Variants in CCDC169 observed in about 807,000 individuals in gnomAD.
CCDC169 encodes the protein coiled-coil domain containing 169.
A neutral mutation model predicts 36.0 loss-of-function variants in CCDC169; 30 were observed. That is an observed-to-expected ratio of 0.83 (90% CI 0.62 to 1.13). The LOEUF (loss-of-function observed/expected upper bound fraction) is 1.13. CCDC169 is among the 50% of genes most tolerant of loss of function. The pLI, the probability that CCDC169 is intolerant of heterozygous loss-of-function variation, is 0.00. For synonymous variants in CCDC169, 85 were observed against 81.5 expected (o/e 1.04, Z -0.23); for missense variants, 245 against 245.9 (o/e 1.00, Z 0.03).
At chr13:36,236,654 T>C (rs1274748755) in intron 7 of CCDC169, among the ~76,000 whole-genome samples, 6 of 152,058 alleles carry the variant, frequency 3.9e-5, no homozygotes, top group Non-Finnish European at 8.8e-5. Context: ...TTTCTAAAGA[T>C]ATCATCAAGA....
At chr13:36,284,320 C>T (rs1360135548) in intron 2 of CCDC169, among the ~76,000 whole-genome samples, 1 of 152,162 alleles carries the variant, frequency 6.6e-6, no homozygotes, top group Non-Finnish European at 1.5e-5. Context: ...CAATGCTTCA[C>T]ATACATTAAG....
rs376497092 is a variant in CCDC169 at position 36,266,156 on chromosome 13, A to G, written c.316-12013T>C. On this transcript the variant is annotated intron_variant, in intron 4 of 7. Transcript: ENST00000239859. ...AAATGAGTAAAGAATTATGCTTTCC[A>G]CTGGGCTGACTGTCTTCAGCCTCCT... Among the ~76,000 whole-genome samples the G allele has an allele frequency of 6.6e-5, 10 of 152,274 alleles. No individual in the cohort carries two copies. In the South Asian group the frequency reaches 1.0e-3, roughly 16 times the overall value.
At chr13:36,286,217 C>T (rs1878236162) in intron 2 of CCDC169, among the ~76,000 whole-genome samples, 1 of 152,108 alleles carries the variant, frequency 6.6e-6, no homozygotes, top group Admixed American at 6.5e-5. Flanking sequence ...TCTTAGGGAT[C>T]CTCTCTTTTC....
chr13:36,290,258 C>A (rs1878707522), intron 2 of CCDC169, among the ~76,000 whole-genome samples: 1 of 152,140 alleles, frequency 6.6e-6, no homozygotes, highest in Non-Finnish European at 1.5e-5. Context: ...AATTAAGATT[C>A]TCTTAATAAT....
chr13:36,291,850 G>A (rs897195938), intron 2 of CCDC169, among the ~76,000 whole-genome samples: 1 of 151,896 alleles, frequency 6.6e-6, no homozygotes, highest in Non-Finnish European at 1.5e-5. Context: ...ATTTACTGAG[G>A]TGATTTAAAA....
intron 7 of CCDC169, among the ~76,000 whole-genome samples, chr13:36,232,969 G>T (rs1870615542): frequency 1.3e-5 from 2 of 152,144 alleles, no homozygotes; most frequent in Non-Finnish European, 2.9e-5. Flanking sequence ...GTGTAACTGT[G>T]GGTATGCATA....
chr13:36,229,540 G>GTT (rs10665867), downstream of CCDC169, among the ~76,000 whole-genome samples: 53,256 of 133,342 alleles, frequency 0.4, 12,176 homozygotes, highest in African/African-American at 0.56. Flanking sequence ...TTATAATAAT[G>GTT]TTTTTTTTTT....
downstream of CCDC169, among the ~76,000 whole-genome samples, chr13:36,229,109 A>G (rs2138369180): frequency 6.6e-6 from 1 of 152,268 alleles, no homozygotes; most frequent in Non-Finnish European, 1.5e-5. Context: ...TGGGAAAGAG[A>G]CTATAAAGAA....
intron 2 of CCDC169, among the ~76,000 whole-genome samples, chr13:36,289,717 T>A (rs1255485180): frequency 1.3e-5 from 2 of 152,206 alleles, no homozygotes; most frequent in South Asian, 2.1e-4. Context: ...TTAGAAAAAC[T>A]GAGACCTAAA....
At chr13:36,254,272 G>GTT in intron 4 of CCDC169, 129 bp from the exon 5 acceptor site, 1 of 355,530 alleles carries the variant, frequency 2.8e-6, no homozygotes, top group Non-Finnish European at 4.6e-6. Context: ...TCTATGATAT[G>GTT]TACTTTTTTT....
chr13:36,243,669 A>G (rs9546859), intron 7 of CCDC169, among the ~76,000 whole-genome samples: 61,508 of 151,726 alleles, frequency 0.41, 13,229 homozygotes, highest in Non-Finnish European at 0.48. Context: ...AGCCAAGCAC[A>G]GTGGCATGTG....
chr13:36,272,648 A>C (rs914197974), intron 4 of CCDC169, among the ~76,000 whole-genome samples: 1 of 152,056 alleles, frequency 6.6e-6, no homozygotes, highest in Non-Finnish European at 1.5e-5. Flanking sequence ...CCTACCCCAT[A>C]AGGTTTAATC....
rs370851283 is a variant in CCDC169, at chr13:36,246,381, C to A, written c.545+2225G>T. Among the ~76,000 whole-genome samples the A allele has an allele frequency of 5.3e-5, 8 of 152,348 alleles. 1 individual carries two copies. The East Asian group carries it at 9.7e-4, about 18-fold the overall frequency. ...CACAAATGATAAGGAAGCAAAACAG[C>A]TTTCTTGCTGATATGGAAAAAGTGT... On this transcript the variant is annotated intron_variant, in intron 7 of 7. Transcript: ENST00000239859.
intron 7 of CCDC169, among the ~76,000 whole-genome samples, chr13:36,238,033 T>A (rs981476085): frequency 3.3e-5 from 5 of 152,136 alleles, no homozygotes; most frequent in African/African-American, 9.7e-5. Context: ...GTCCCCATCA[T>A]TAAGGGACAC....
chr13:36,297,265 G>GA lies in CCDC169; in HGVS notation c.83+371dup, dbSNP rs370809094. ...TGAAGTTCCCCTTAAAGGGATGAAA[G>GA]AAAAAAAAAACCCCGTATAACTAAA... On this transcript the variant is annotated intron_variant, in intron 1 of 7. Coordinates refer to ENST00000239859, the MANE Select transcript of CCDC169 (RefSeq NM_001144981.3). Among the ~76,000 whole-genome samples the GA allele has an allele frequency of 7.2e-4, 106 of 146,426 alleles. 1 individual carries two copies. In the East Asian group the frequency reaches 9.3e-3, roughly 13 times the overall value.
intron 2 of CCDC169, among the ~76,000 whole-genome samples, chr13:36,291,158 T>A (rs1432963452): frequency 6.6e-6 from 1 of 152,088 alleles, no homozygotes; most frequent in African/African-American, 2.4e-5. Context: ...ATGACCAGCA[T>A]TAACATTAAA....
At chr13:36,273,895 A>C (rs1876432767) in intron 4 of CCDC169, among the ~76,000 whole-genome samples, 1 of 152,106 alleles carries the variant, frequency 6.6e-6, no homozygotes, top group Non-Finnish European at 1.5e-5. Flanking sequence ...CCAGCCTCTA[A>C]CACATGACTT....
intron 2 of CCDC169, among the ~76,000 whole-genome samples, chr13:36,285,222 C>T (rs1358328134): frequency 1.3e-5 from 2 of 152,084 alleles, no homozygotes; most frequent in African/African-American, 4.8e-5. Flanking sequence ...ATATTATTGA[C>T]TTTTAAGTCA....
chr13:36,297,257 G>A (rs1373093738), intron 1 of CCDC169, among the ~76,000 whole-genome samples: 8 of 151,902 alleles, frequency 5.3e-5, no homozygotes, highest in Admixed American at 2.0e-4. Context: ...CCCCTTAAAG[G>A]GATGAAAGAA....
Sources: gnomAD v4.1 joint callset for allele counts (sites outside exome capture counted in the v4.1 genomes callset) on GRCh38, gnomAD v4.1.1 for gene constraint, MANE v1.5 for transcripts, NCBI Gene and HGNC (gene_info 2026-07-23, HGNC 2026-07-21) for gene names.